Variants in ACACB observed in about 807,000 individuals in gnomAD.
The protein encoded by ACACB is acetyl-CoA carboxylase beta.
In ACACB, 209 loss-of-function variants were observed where a neutral mutation model predicts 278.8. That is an observed-to-expected ratio of 0.75 (90% CI 0.67 to 0.84). ACACB has a LOEUF of 0.84. ACACB is among the 40% of genes least tolerant of loss of function. ACACB has a pLI of 0.00. For synonymous variants in ACACB, 1,174 were observed against 1,285.6 expected, an observed-to-expected ratio of 0.91 and a Z score of 1.86; for missense variants, 2,850 against 3,269.0, an observed-to-expected ratio of 0.87 and a Z score of 3.13.
At chr12:109,259,260 GC>G in intron 47 of ACACB, 152 bp downstream of exon 47, 1 of 986,698 alleles carries the variant, frequency 1.0e-6, no homozygotes. Context: ...TTGTTCAGGT[GC>G]CCCACTACCC....
chr12:109,197,401 G>A lies in ACACB; in HGVS notation c.2627+248G>A, dbSNP rs115703527. ...GGTTGGTGGGGATTCAGAGCTGAAC[G>A]GGACATGACTCCCAGCTCTGTGGCC... On this transcript the variant is annotated intron_variant, in intron 17 of 52. Coordinates refer to ENST00000338432, the MANE Select transcript of ACACB (RefSeq NM_001093.4). Among the ~76,000 whole-genome samples, 1,340 of 152,230 alleles carry A rather than the reference G, an allele frequency of 8.8e-3. 31 individuals are homozygous for A. Among genetic ancestry groups the A allele is most frequent in the African/African-American group, 0.03 (1,261 of 41,532 alleles).
chr12:109,210,265 ATG>A (rs2045747059), intron 21 of ACACB, among the ~76,000 whole-genome samples: 9 of 66,294 alleles, frequency 1.4e-4, no homozygotes, highest in African/African-American at 6.8e-4. Flanking sequence ...ATGTGTGTAT[ATG>A]TACATATACA....
intron 27 of ACACB, among the ~76,000 whole-genome samples, chr12:109,226,509 G>C (rs2046316402): frequency 6.6e-6 from 1 of 151,860 alleles, no homozygotes. Context: ...AGACCAGACT[G>C]ACCAACATGG....
intron 24 of ACACB, among the ~76,000 whole-genome samples, chr12:109,221,894 T>TTG (rs372053398): frequency 5.5e-5 from 7 of 128,236 alleles, no homozygotes; most frequent in African/African-American, 1.6e-4. Context: ...TTTTTTTTTT[T>TTG]GGGGGGGAGA....
chr12:109,179,521 G>C, intron 10 of ACACB: 1 of 612,094 alleles, frequency 1.6e-6, no homozygotes. Context: ...GAGTCTCACT[G>C]TGTTGCCCAC....
chr12:109,214,605 T>C (rs1397795928), intron 22 of ACACB, among the ~76,000 whole-genome samples: 2 of 152,244 alleles, frequency 1.3e-5, no homozygotes, highest in African/African-American at 4.8e-5. Context: ...CCATAAATAT[T>C]AAAGCCCTGT....
Position 109,227,547 on chromosome 12 carries a change from C to T in ACACB, c.4001+58C>T, listed in dbSNP as rs561296273. 351 of 1,529,442 alleles carry T rather than the reference C, an allele frequency of 2.3e-4. 4 individuals are homozygous for T. In the Middle Eastern group the frequency reaches 5.3e-3, roughly 23 times the overall value. The allele number at this position is 1,529,442 out of a possible 1,614,324, so 94.7% of individuals were successfully genotyped here. A position where few individuals can be genotyped will look rare whatever the true frequency, so the allele number is the denominator to read the frequency against. Reference sequence around the variant, plus strand: ...TGTTTCTGTTCTTCCTGACCTCTGTCGTCCTGTCTCTGGAAGGACCTGGCA... The same window carrying T: ...TGTTTCTGTTCTTCCTGACCTCTGTTGTCCTGTCTCTGGAAGGACCTGGCA... On this transcript the variant is annotated intron_variant, in intron 28 of 52. Transcript: ENST00000338432.
rs776663833 is a variant in ACACB at position 109,199,516 on chromosome 12, C to G, written c.2742C>G (p.Gly914=). 6.6e-7 allele frequency: 1 copy of G among 1,522,312 alleles called. No homozygotes were observed. Among genetic ancestry groups the G allele is most frequent in the Non-Finnish European group, 8.8e-7 (1 of 1,131,850 alleles). 94.3% of individuals were successfully genotyped at this position (1,522,312 alleles called of 1,614,324 possible). ...KLTQYTVEDG[G]HVEAGSSYAE... ...CACAGTACACAGTGGAGGATGGGGGCCACGTTGAGGCTGGGAGCAGCTACG... is the reference window on the plus strand; with the variant it reads ...CACAGTACACAGTGGAGGATGGGGGGCACGTTGAGGCTGGGAGCAGCTACG... The change falls in exon 18 of 53, where the codon GGC becomes GGG. Residue 914 remains glycine, a synonymous_variant. Coordinates refer to ENST00000338432, the MANE Select transcript of ACACB (RefSeq NM_001093.4).
At chr12:109,218,692 C>A (rs1232593414) in intron 24 of ACACB, among the ~76,000 whole-genome samples, 1 of 139,864 alleles carries the variant, frequency 7.1e-6, no homozygotes, top group African/African-American at 2.7e-5. Context: ...CTTGCTCTGT[C>A]GCCCAGGCTG....
rs200696584 is a variant in ACACB at position 109,262,439 on chromosome 12, C to T, written c.6757C>T (p.Pro2253Ser). The change falls in exon 49 of 53, where the codon CCA (proline) becomes TCA (serine). Residue 2253 changes from proline to serine, a missense_variant. This residue lies in a region of ACACB where 579 missense variants were observed against 684.6 expected (regional missense o/e 0.85). Transcript: ENST00000338432. ...DLIKSMRRID[P>S]AYKKLMEQLG... ...GATAAAGTCCATGAGAAGGATCGAT[C>T]CAGCTTACAAGAAGCTCATGGAACA... is the stretch of plus-strand genomic sequence containing the variant. 11 of 1,613,662 alleles carry T rather than the reference C, an allele frequency of 6.8e-6. No individual in the cohort carries two copies. Among genetic ancestry groups the T allele is most frequent in the Non-Finnish European group, 9.3e-6 (11 of 1,179,878 alleles).
intron 2 of ACACB, among the ~76,000 whole-genome samples, chr12:109,141,302 A>G (rs1331568762): frequency 2.0e-5 from 3 of 152,152 alleles, no homozygotes; most frequent in Non-Finnish European, 4.4e-5. Context: ...GTCTCCATCA[A>G]TTTGATTGTT....
At chr12:109,168,144 C>T in intron 4 of ACACB, 110 bp downstream of exon 4, 1 of 1,183,362 alleles carries the variant, frequency 8.5e-7, no homozygotes, top group Non-Finnish European at 1.2e-6. Context: ...GTCAGGACCT[C>T]TCATGAGTCT....
intron 31 of ACACB, among the ~76,000 whole-genome samples, chr12:109,234,499 A>C (rs1043267641): frequency 2.0e-5 from 3 of 152,200 alleles, no homozygotes; most frequent in African/African-American, 7.2e-5. Context: ...CTCAAAAAAA[A>C]TTATATATAT....
intron 1 of ACACB, among the ~76,000 whole-genome samples, chr12:109,136,949 C>G (rs1362143638): frequency 2.0e-5 from 3 of 152,174 alleles, no homozygotes; most frequent in Non-Finnish European, 4.4e-5. Flanking sequence ...TCAGCCTTTC[C>G]CCATTTAGTA....
In ACACB at chr12:109,191,901, G is replaced by A. The variant is rs368443757; in HGVS notation, c.2350G>A (p.Asp784Asn). 1.4e-5 allele frequency: 22 copies of A among 1,614,088 alleles called. No homozygotes were observed. The highest frequency in any genetic ancestry group is 2.2e-5 in the South Asian group (2 of 91,082). ...GGTATGCGGGGCCTTGAACGTGGCC[G>A]ATGCGATGTTCAGAACGTGCATGAC... ...GVVCGALNVA[D>N]AMFRTCMTDF... Residue 784 changes from aspartate to asparagine, a missense_variant, in exon 15 of 53, where the codon GAT becomes AAT. Asp to Asn is a conservative substitution (Grantham distance 23). Around this residue, in one of 3 missense-constraint regions of ACACB, gnomAD observed 2,265 missense variants for 2,561.3 expected, o/e 0.88. Coordinates refer to ENST00000338432, the MANE Select transcript of ACACB (RefSeq NM_001093.4).
chr12:109,187,026 T>G (rs1386698438), intron 12 of ACACB, among the ~76,000 whole-genome samples: 1 of 148,034 alleles, frequency 6.8e-6, no homozygotes, highest in East Asian at 2.0e-4. Context: ...ATCAGGTGTG[T>G]GTTGGCAGCA....
At position 109,206,709 on chromosome 12, in the gene ACACB, G is replaced by T; in HGVS notation, c.2914-1G>T. ...CTGTCGTTCTTGTGGTGTCTCATCA[G>T]GCTGAACCGTTCACAGGAGAACTCC... On this transcript the variant is annotated splice_acceptor_variant, in intron 19 of 52. Coordinates refer to ENST00000338432, the MANE Select transcript of ACACB (RefSeq NM_001093.4). LOFTEE classifies it high-confidence loss of function. 2 of 1,613,850 alleles carry T rather than the reference G, an allele frequency of 1.2e-6. No individual in the cohort carries two copies. The highest frequency in any genetic ancestry group is 1.7e-6 in the Non-Finnish European group (2 of 1,180,008).
chr12:109,199,473 C>T lies in ACACB; in HGVS notation c.2699C>T (p.Pro900Leu). ...KENDPTVLRS[P>L]SAGKLTQYTV... ...AACGATCCTACAGTCCTGAGATCCC[C>T]CTCGGCTGGGAAGCTGACACAGTAC... The change falls in exon 18 of 53, where the codon CCC becomes CTC. Residue 900 changes from proline (P) to leucine (L), a missense_variant. This residue lies in a region of ACACB where 2,265 missense variants were observed against 2,561.3 expected (regional missense o/e 0.88). Coordinates refer to ENST00000338432, the MANE Select transcript of ACACB (RefSeq NM_001093.4). The T allele has an allele frequency of 1.3e-6, 2 of 1,570,278 alleles. No individual in the cohort carries two copies. The highest frequency in any genetic ancestry group is 1.4e-5 in the African/African-American group (1 of 72,722).
In ACACB at chr12:109,206,607, T is replaced by G. The variant is rs2045523008; in HGVS notation, c.2914-103T>G. On this transcript the variant is annotated intron_variant, in intron 19 of 52. Transcript: ENST00000338432. ...TTTTTCCTCAGACCTCATCCTCACT[T>G]GATTACGGAAGCCGGCAGATCTGTC... 7 of 1,405,684 alleles carry G rather than the reference T, an allele frequency of 5.0e-6. No individual in the cohort carries two copies. The South Asian group carries it at 7.8e-5, about 16-fold the overall frequency. 87.1% of individuals were successfully genotyped at this position (1,405,684 alleles called of 1,614,324 possible). A position where few individuals can be genotyped will look rare whatever the true frequency, so the allele number is the denominator to read the frequency against.
Sources: gnomAD v4.1 joint callset for allele counts (sites outside exome capture counted in the v4.1 genomes callset) on GRCh38, gnomAD v4.1.1 for gene constraint, gnomAD v4.1.1 regional missense constraint, MANE v1.5 for transcripts, NCBI Gene and HGNC (gene_info 2026-07-23, HGNC 2026-07-21) for gene names.